The following RARB variants were observed in gnomAD, a reference collection of about 807,000 sequenced individuals.
RARB encodes retinoic acid receptor beta.
Under a neutral mutation model 51.9 loss-of-function variants are expected in RARB, and 17 were observed. That is an observed-to-expected ratio of 0.33 (90% CI 0.22 to 0.49). RARB has a LOEUF of 0.49. Ranked by LOEUF, RARB falls within the 20% of genes least tolerant of loss-of-function variation. The pLI is 0.99. For synonymous variants in RARB, 215 were observed against 195.4 expected, an observed-to-expected ratio of 1.10 and a Z score of -0.84; for missense variants, 369 against 550.8, an observed-to-expected ratio of 0.67 and a Z score of 3.30.
intron 1 of RARB, among the ~76,000 whole-genome samples, chr3:25,455,126 G>A (rs768864073): frequency 2.0e-5 from 3 of 152,194 alleles, no homozygotes; most frequent in African/African-American, 4.8e-5. Flanking sequence ...ACCTGTGCCC[G>A]TCCGCAAGGA....
At chr3:25,400,361 T>C (rs890841482) in intron 5 of RARB, among the ~76,000 whole-genome samples, 2 of 152,202 alleles carry the variant, frequency 1.3e-5, no homozygotes, top group African/African-American at 2.4e-5. Context: ...ACCTGGTTCT[T>C]CTATTCAAGG....
At chr3:24,907,434 G>GAT (rs1187470299) in intron 2 of RARB, among the ~76,000 whole-genome samples, 3 of 152,158 alleles carry the variant, frequency 2.0e-5, no homozygotes, top group Non-Finnish European at 4.4e-5. Flanking sequence ...GAGCTAAAGG[G>GAT]ATATAGGGAG....
At chr3:25,268,098 A>G (rs899578638) in intron 5 of RARB, among the ~76,000 whole-genome samples, 2 of 152,216 alleles carry the variant, frequency 1.3e-5, no homozygotes, top group African/African-American at 4.8e-5. Context: ...CCCAAACAAA[A>G]AAAGTGCTTG....
chr3:25,546,212 A>G (rs1215152254), intron 3 of RARB, among the ~76,000 whole-genome samples: 1 of 151,984 alleles, frequency 6.6e-6, no homozygotes, highest in Non-Finnish European at 1.5e-5. Flanking sequence ...ACAGGAAGAG[A>G]TCCTGTTCAC....
chr3:25,586,300 G>A (rs1338238403), intron 5 of RARB, among the ~76,000 whole-genome samples: 1 of 152,050 alleles, frequency 6.6e-6, no homozygotes, highest in African/African-American at 2.4e-5. Flanking sequence ...TCTGTCCCAA[G>A]CTCTTAAGGC....
At chr3:25,147,569 C>T (rs1700215161) in intron 4 of RARB, among the ~76,000 whole-genome samples, 1 of 152,156 alleles carries the variant, frequency 6.6e-6, no homozygotes, top group African/African-American at 2.4e-5. Context: ...AGTGGTTACT[C>T]TTCTAATCAG....
chr3:25,216,012 A>G (rs1701825368), intron 5 of RARB, among the ~76,000 whole-genome samples: 1 of 152,230 alleles, frequency 6.6e-6, no homozygotes, highest in Admixed American at 6.5e-5. Flanking sequence ...AAGGGCATGG[A>G]CTAATGCTTT....
chr3:25,124,263 A>C (rs545794013), intron 3 of RARB, among the ~76,000 whole-genome samples: 179 of 152,258 alleles, frequency 1.2e-3, no homozygotes, highest in African/African-American at 4.1e-3. Flanking sequence ...AATTTCAGCT[A>C]CTTGGGAGGC....
intron 2 of RARB, among the ~76,000 whole-genome samples, chr3:25,481,658 C>A (rs1696229516): frequency 6.6e-6 from 1 of 152,176 alleles, no homozygotes; most frequent in African/African-American, 2.4e-5. Context: ...GCATATTGTA[C>A]ATATTGTCCC....
intron 5 of RARB, among the ~76,000 whole-genome samples, chr3:25,416,683 G>T (rs1355773467): frequency 1.3e-5 from 2 of 152,190 alleles, no homozygotes; most frequent in East Asian, 3.9e-4. Flanking sequence ...TGCAATTGCT[G>T]TGCTCCAATA....
chr3:25,339,694 T>C (rs974604465), intron 5 of RARB, among the ~76,000 whole-genome samples: 4 of 152,056 alleles, frequency 2.6e-5, no homozygotes, highest in African/African-American at 9.7e-5. Context: ...CTTGCTCTCT[T>C]GGATCCTGTG....
At chr3:25,513,516 GCCT>G (rs1698008958) in intron 3 of RARB, among the ~76,000 whole-genome samples, 1 of 152,074 alleles carries the variant, frequency 6.6e-6, no homozygotes, top group South Asian at 2.1e-4. Context: ...TTCCCATTCT[GCCT>G]CCTCTCCCAC....
chr3:25,123,055 A>T (rs186012182), intron 3 of RARB, among the ~76,000 whole-genome samples: 1 of 152,166 alleles, frequency 6.6e-6, no homozygotes, highest in Admixed American at 6.5e-5. Flanking sequence ...CAACAATTCA[A>T]TTCTCCTGCA....
intron 2 of RARB, among the ~76,000 whole-genome samples, chr3:24,894,243 C>T (rs1350123056): frequency 4.6e-5 from 7 of 151,610 alleles, no homozygotes; most frequent in East Asian, 1.9e-4. Flanking sequence ...ACCTGATAGG[C>T]GATCTTTCAG....
At chr3:25,244,473 A>G (rs180869556) in intron 5 of RARB, among the ~76,000 whole-genome samples, 149 of 152,164 alleles carry the variant, frequency 9.8e-4, no homozygotes, top group Non-Finnish European at 1.8e-3. Context: ...CCCTCTAAAC[A>G]CTGCTTTAGC....
At chr3:25,100,620 A>G (rs1699382154) in intron 3 of RARB, among the ~76,000 whole-genome samples, 1 of 152,188 alleles carries the variant, frequency 6.6e-6, no homozygotes, top group Non-Finnish European at 1.5e-5. Flanking sequence ...AGTATTAAAC[A>G]TAGTGTTTGT....
chr3:25,434,165 T>TC (rs1470611730), intron 1 of RARB, among the ~76,000 whole-genome samples: 2 of 151,888 alleles, frequency 1.3e-5, no homozygotes, highest in African/African-American at 2.4e-5. Context: ...TCTCTAGGCT[T>TC]CCCCCAGCAG....
chr3:25,367,817 C>CAAAAAAAAAAAA (rs369165017), intron 5 of RARB, among the ~76,000 whole-genome samples: 5 of 125,544 alleles, frequency 4.0e-5, no homozygotes, highest in Non-Finnish European at 6.6e-5. Flanking sequence ...AAAAAACAAG[C>CAAAAAAAAAAAA]AAAAAAAAAA....
chr3:25,231,998 A>G (rs1263800048), intron 5 of RARB, among the ~76,000 whole-genome samples: 1 of 151,740 alleles, frequency 6.6e-6, no homozygotes, highest in East Asian at 1.9e-4. Flanking sequence ...TATTTCATTT[A>G]AAAGTGATAA....
Sources: gnomAD v4.1 joint callset for allele counts (sites outside exome capture counted in the v4.1 genomes callset) on GRCh38, gnomAD v4.1.1 for gene constraint, MANE v1.5 for transcripts, NCBI Gene and HGNC (gene_info 2026-07-23, HGNC 2026-07-21) for gene names.